Variants in ZMYM1 observed in about 807,000 individuals in gnomAD.
The protein encoded by ZMYM1 is zinc finger MYM-type containing 1, also known as zinc finger MYM-type protein 1.
In ZMYM1, 39 loss-of-function variants were observed where a neutral mutation model predicts 60.0. The observed-to-expected ratio is 0.65, with a 90% CI of 0.50 to 0.85. The LOEUF is 0.85. Among genes scored for constraint, ZMYM1 ranks in the 40% least tolerant of loss-of-function variants. ZMYM1 has a pLI of 0.00. For synonymous variants in ZMYM1, 413 were observed against 454.0 expected, an observed-to-expected ratio of 0.91 and a Z score of 1.15; for missense variants, 1,171 against 1,309.5, an observed-to-expected ratio of 0.89 and a Z score of 1.63.
chr1:35,084,759 G>A (rs1642568081), intron 1 of ZMYM1, among the ~76,000 whole-genome samples: 1 of 152,192 alleles, frequency 6.6e-6, no homozygotes, highest in South Asian at 2.1e-4. Flanking sequence ...CTCTGTAAAT[G>A]TGCAGTTTAG....
chr1:35,117,461 A>G (rs1423095832), downstream of ZMYM1, among the ~76,000 whole-genome samples: 2 of 151,886 alleles, frequency 1.3e-5, no homozygotes, highest in African/African-American at 2.4e-5. Flanking sequence ...ATGGGATTAC[A>G]GGTGCCCACC....
At position 35,086,074 on chromosome 1, in the gene ZMYM1, A is replaced by G. The variant is rs1642638726; in HGVS notation, c.-75+6632A>G. 5.3e-5 allele frequency among the ~76,000 whole-genome samples: 8 copies of G among 152,216 alleles called. No homozygotes were observed. In the South Asian group the frequency reaches 1.4e-3, roughly 28 times the overall value. On this transcript the variant is annotated intron_variant, in intron 1 of 9. Coordinates refer to ENST00000359858, the MANE Select transcript of ZMYM1 (RefSeq NM_024772.5). ...ATGACAGAATTCAATTTTATGTATT[A>G]CGTTTAAACATTGTATTTGGGTTAC...
At chr1:35,097,590 C>A (rs1643402079) in intron 4 of ZMYM1, 24 bp downstream of exon 4, 2 of 1,611,326 alleles carry the variant, frequency 1.2e-6, no homozygotes, top group Non-Finnish European at 1.7e-6. Flanking sequence ...AATTATGCCC[C>A]CTTTTATTTC....
At chr1:35,117,921 CAA>C (rs1034042582), downstream of ZMYM1, among the ~76,000 whole-genome samples, 33 of 151,934 alleles carry the variant, frequency 2.2e-4, no homozygotes, top group African/African-American at 7.7e-4. Context: ...GTCTGGGCAA[CAA>C]GAGAGAAACT....
In ZMYM1 at chr1:35,115,452, G is replaced by T; in HGVS notation, c.*193G>T. On this transcript the variant is annotated 3_prime_UTR_variant, in exon 10 of 10. Coordinates refer to ENST00000359858, the MANE Select transcript of ZMYM1 (RefSeq NM_024772.5). The stretch of plus-strand genomic sequence containing the variant: ...CCCTCTAGAGGTATTTTTCCTAAGT[G>T]GTATTGTACGGTGTATACTGTTCTT... The T allele has an allele frequency of 1.9e-6, 1 of 538,796 alleles. No homozygotes were observed. Among genetic ancestry groups the T allele is most frequent in the Non-Finnish European group, 3.1e-6 (1 of 320,366 alleles). 33.4% of individuals were successfully genotyped at this position (538,796 alleles called of 1,614,324 possible).
At chr1:35,100,265 T>G (rs1473424930) in intron 4 of ZMYM1, among the ~76,000 whole-genome samples, 2 of 152,148 alleles carry the variant, frequency 1.3e-5, no homozygotes, top group Non-Finnish European at 2.9e-5. Flanking sequence ...GCACTTTTTA[T>G]TCTATTTCAT....
In ZMYM1 at chr1:35,115,079, T is replaced by C. The variant is rs921902927; in HGVS notation, c.3249T>C (p.Thr1083=). 2.5e-6 allele frequency: 4 copies of C among 1,613,982 alleles called. No individual in the cohort carries two copies. The highest frequency in any genetic ancestry group is 2.7e-5 in the African/African-American group (2 of 74,922). The change falls in exon 10 of 10, where the codon ACT becomes ACC. Residue 1083 remains threonine (T), a synonymous_variant. Coordinates refer to ENST00000359858, the MANE Select transcript of ZMYM1 (RefSeq NM_024772.5). ...CTTGGCCAATTACTTCAGCAAGTAC[T>C]GAGAACTCATTTTCTACCCTGCCTC... ...ALSWPITSAS[T]ENSFSTLPRL...
intron 1 of ZMYM1, among the ~76,000 whole-genome samples, chr1:35,073,327 G>GAGAAAGAAAGAA (rs1364605094): frequency 3.5e-5 from 3 of 86,422 alleles, no homozygotes; most frequent in African/African-American, 1.0e-4. Flanking sequence ...AAAAGAAAGG[G>GAGAAAGAAAGAA]AGAAAGAAAG....
intron 3 of ZMYM1, among the ~76,000 whole-genome samples, chr1:35,096,761 A>G (rs1316189003): frequency 6.6e-6 from 1 of 152,062 alleles, no homozygotes; most frequent in Non-Finnish European, 1.5e-5. Flanking sequence ...AGGGCAGTGC[A>G]TGATCTCGCC....
intron 4 of ZMYM1, among the ~76,000 whole-genome samples, chr1:35,102,075 T>C (rs973285318): frequency 6.6e-6 from 1 of 152,228 alleles, no homozygotes; most frequent in African/African-American, 2.4e-5. Context: ...TGGATTTTTG[T>C]ATCTGTTTCT....
upstream of ZMYM1, among the ~76,000 whole-genome samples, chr1:35,076,274 C>T (rs1040730289): frequency 2.6e-5 from 4 of 152,184 alleles, no homozygotes; most frequent in South Asian, 6.2e-4. Flanking sequence ...CAGGGGACAC[C>T]TTCCAGGACA....
At chr1:35,097,177 A>G (rs1643379830) in intron 3 of ZMYM1, 140 bp from the exon 4 acceptor site, 5 of 931,794 alleles carry the variant, frequency 5.4e-6, no homozygotes, top group Non-Finnish European at 8.0e-6. Flanking sequence ...CCATGATCGT[A>G]TCACTACACT....
At chr1:35,103,513 C>T (rs901701014) in intron 4 of ZMYM1, among the ~76,000 whole-genome samples, 1 of 152,098 alleles carries the variant, frequency 6.6e-6, no homozygotes. Flanking sequence ...AATAATATTC[C>T]ACTGTATGTA....
At chr1:35,068,875 C>G (rs537770131) in intron 1 of ZMYM1, among the ~76,000 whole-genome samples, 7 of 152,022 alleles carry the variant, frequency 4.6e-5, no homozygotes, top group African/African-American at 1.7e-4. Context: ...CTTGCTCTGT[C>G]ACCCATGCTG....
intron 1 of ZMYM1, among the ~76,000 whole-genome samples, chr1:35,067,138 C>A (rs1190204108): frequency 6.6e-6 from 1 of 152,004 alleles, no homozygotes; most frequent in Non-Finnish European, 1.5e-5. Context: ...GCCACTACGC[C>A]TGGCTAATTT....
In ZMYM1 at chr1:35,113,252, G is replaced by A; in HGVS notation, c.1422G>A (p.Val474=). 6.2e-7 allele frequency: 1 copy of A among 1,613,026 alleles called. No homozygotes were observed. Among genetic ancestry groups the A allele is most frequent in the Non-Finnish European group, 8.5e-7 (1 of 1,179,178 alleles). ...FECLENSKKD[V]AFCYSCQLFC... ...GTTTGGAAAACAGTAAAAAAGATGT[G>A]GCATTCTGTTATTCATGCCAGTTGT... The change falls in exon 10 of 10, where the codon GTG becomes GTA. Residue 474 remains valine, a synonymous_variant. Coordinates refer to ENST00000359858, the MANE Select transcript of ZMYM1 (RefSeq NM_024772.5).
rs370329112 is a variant in ZMYM1, at chr1:35,114,164, T to C, written c.2334T>C (p.Ile778=). Reference sequence around the variant, plus strand: ...CTCTCAGTTCTTTGTTCAACACTATTTGTATGTCTGGGGAAATGTTGGCAA... The same window carrying C: ...CTCTCAGTTCTTTGTTCAACACTATCTGTATGTCTGGGGAAATGTTGGCAA... The part of the protein sequence containing the change: ...LKTLSSLFNT[I]CMSGEMLANF... The change falls in exon 10 of 10, where the codon ATT becomes ATC. Residue 778 remains isoleucine, a synonymous_variant. Transcript: ENST00000359858. The C allele has an allele frequency of 4.3e-5, 70 of 1,611,150 alleles. No homozygotes were observed. The Middle Eastern group carries it at 6.6e-4, about 15-fold the overall frequency.
chr1:35,106,330 C>T (rs910696138), intron 6 of ZMYM1, among the ~76,000 whole-genome samples: 1 of 151,960 alleles, frequency 6.6e-6, no homozygotes, highest in Non-Finnish European at 1.5e-5. Context: ...AGCAGTTGGC[C>T]GGGTGCAGTG....
intron 2 of ZMYM1, 52 bp from the exon 3 acceptor site, chr1:35,095,767 T>G (rs1347018384): frequency 1.7e-5 from 23 of 1,391,564 alleles, no homozygotes; most frequent in Non-Finnish European, 2.3e-5. Context: ...ACTGGTTGTC[T>G]TAAATTCATT....
Sources: allele counts gnomAD v4.1 joint callset (sites outside exome capture counted in the v4.1 genomes callset), GRCh38; gene constraint gnomAD v4.1.1; transcripts MANE v1.5; gene names NCBI Gene and HGNC (gene_info 2026-07-23, HGNC 2026-07-21).